The following PCDH15 variants were observed in gnomAD, a reference collection of about 807,000 sequenced individuals.
PCDH15 encodes protocadherin-15.
PCDH15 carries 129 observed loss-of-function variants against 178.5 expected under a neutral mutation model. The observed-to-expected ratio is 0.72, with a 90% CI of 0.63 to 0.84. The LOEUF (loss-of-function observed/expected upper bound fraction) is 0.84. PCDH15 is among the 40% of genes least tolerant of loss of function. The pLI, the probability that PCDH15 is intolerant of heterozygous loss-of-function variation, is 0.00. For missense variants in PCDH15, 2,230 were observed against 2,099.9 expected (o/e 1.06, Z -1.21); for synonymous variants, 800 against 732.0 (o/e 1.09, Z -1.50).
chr10:55,191,946 C>T (rs1402565698), intron 1 of PCDH15, among the ~76,000 whole-genome samples: 1 of 151,630 alleles, frequency 6.6e-6, no homozygotes, highest in Non-Finnish European at 1.5e-5. Flanking sequence ...GTCTGAACTG[C>T]TAAAAAAAAT....
At chr10:55,535,951 G>A (rs1436692420) in intron 2 of PCDH15, among the ~76,000 whole-genome samples, 1 of 151,878 alleles carries the variant, frequency 6.6e-6, no homozygotes, top group Non-Finnish European at 1.5e-5. Context: ...GCAGTCAAAC[G>A]TTGGAAATCC....
chr10:54,262,038 G>A (rs1038605402), intron 8 of PCDH15, among the ~76,000 whole-genome samples: 9 of 152,134 alleles, frequency 5.9e-5, no homozygotes, highest in Non-Finnish European at 2.9e-5. Flanking sequence ...GTGAGTGAAG[G>A]AACCCTGGGA....
In PCDH15 at chr10:53,827,490, G is replaced by A. The variant is rs1163192792; in HGVS notation, c.4270C>T (p.Pro1424Ser). The A allele has an allele frequency of 6.2e-7, 1 of 1,614,088 alleles. No individual in the cohort carries two copies. Among genetic ancestry groups the A allele is most frequent in the Middle Eastern group, 1.6e-4 (1 of 6,062 alleles). The change falls in exon 32 of 38, where the codon CCA becomes TCA. Residue 1424 changes from proline to serine, a missense_variant. Physicochemically the swap from Pro to Ser is moderately conservative, Grantham distance 74. Coordinates refer to ENST00000644397, the MANE Select transcript of PCDH15 (RefSeq NM_001384140.1). ...ACTGGTGCAGGAGCCGGCACTGCTGGTTTAGCCGCGGGTAATGCGGCCTGA... is the reference window on the plus strand; with the variant it reads ...ACTGGTGCAGGAGCCGGCACTGCTGATTTAGCCGCGGGTAATGCGGCCTGA... ...RIQAALPAAK[P>S]AVPAPAPVAA...
At chr10:55,074,614 T>C (rs1427499085) in intron 2 of PCDH15, among the ~76,000 whole-genome samples, 2 of 152,146 alleles carry the variant, frequency 1.3e-5, no homozygotes, top group Non-Finnish European at 2.9e-5. Flanking sequence ...TTCTGGATAT[T>C]AGATCTTTTC....
At chr10:55,154,989 G>C (rs2589439) in intron 2 of PCDH15, among the ~76,000 whole-genome samples, 146,180 of 152,180 alleles carry the variant, frequency 0.96, 70,286 homozygotes, top group East Asian at 1. Context: ...CTGCTATAAA[G>C]CAACTATTTT....
chr10:54,021,796 G>A (rs758654237), intron 19 of PCDH15, among the ~76,000 whole-genome samples: 9 of 151,882 alleles, frequency 5.9e-5, no homozygotes, highest in Non-Finnish European at 1.2e-4. Flanking sequence ...CTCGAAGAAA[G>A]CAGTAAATTT....
At chr10:55,400,179 G>A (rs1340824250) in intron 2 of PCDH15, among the ~76,000 whole-genome samples, 1 of 152,086 alleles carries the variant, frequency 6.6e-6, no homozygotes, top group Non-Finnish European at 1.5e-5. Context: ...AAGGGTATGT[G>A]ATTAATTCTG....
At chr10:54,517,298 G>C (rs944570056) in intron 3 of PCDH15, among the ~76,000 whole-genome samples, 12 of 152,238 alleles carry the variant, frequency 7.9e-5, no homozygotes, top group African/African-American at 2.6e-4. Flanking sequence ...CCATCAGTGT[G>C]CTATATTCAG....
intron 7 of PCDH15, among the ~76,000 whole-genome samples, chr10:54,323,690 G>A (rs2061748975): frequency 6.6e-6 from 1 of 152,030 alleles, no homozygotes; most frequent in Non-Finnish European, 1.5e-5. Context: ...ATAAACCTGG[G>A]AACAGTAGAC....
intron 1 of PCDH15, among the ~76,000 whole-genome samples, chr10:54,744,091 T>C (rs1945163631): frequency 6.6e-6 from 1 of 152,148 alleles, no homozygotes; most frequent in South Asian, 2.1e-4. Context: ...TCAAAGCTGC[T>C]TCTATGTTGT....
chr10:54,543,844 CCAAA>C (rs1267352480), intron 2 of PCDH15, among the ~76,000 whole-genome samples: 8 of 152,250 alleles, frequency 5.3e-5, no homozygotes, highest in Middle Eastern at 3.4e-3. Context: ...CTGTTGCTCA[CCAAA>C]CAGAGTTTGC....
chr10:54,786,204 T>G (rs1011133504), intron 1 of PCDH15, among the ~76,000 whole-genome samples: 10 of 152,036 alleles, frequency 6.6e-5, no homozygotes, highest in Non-Finnish European at 1.5e-5. Flanking sequence ...AGTCATGCAT[T>G]CATCTGTATA....
At position 55,092,226 on chromosome 10, in the gene PCDH15, C is replaced by A. The variant is rs1842336039; in HGVS notation, c.-80+74350G>T. ...ATATCAAAATCAGATAACCTTCCCT[C>A]TATATAAACTCACCCTTTACAAATA... On this transcript the variant is annotated intron_variant, in intron 2 of 5. Coordinates refer to the PCDH15 transcript ENST00000458638. Among the ~76,000 whole-genome samples the A allele has an allele frequency of 2.6e-5, 4 of 151,882 alleles. No homozygotes were observed. The South Asian group carries it at 8.3e-4, about 31-fold the overall frequency.
chr10:55,352,500 T>C (rs1215093658), intron 2 of PCDH15, among the ~76,000 whole-genome samples: 4 of 152,070 alleles, frequency 2.6e-5, no homozygotes, highest in African/African-American at 9.7e-5. Context: ...CAATGAGCAG[T>C]TGAAAGCAAT....
At chr10:53,844,094 A>G (rs887622565) in intron 28 of PCDH15, among the ~76,000 whole-genome samples, 1 of 151,658 alleles carries the variant, frequency 6.6e-6, no homozygotes, top group Non-Finnish European at 1.5e-5. Flanking sequence ...AGAAAAGAGA[A>G]TTGCTAACTG....
chr10:55,391,550 A>T lies in PCDH15; in HGVS notation c.-155-224899T>A, dbSNP rs565306998. ...CGCCCAGGATGGATTGGAATGGAGC[A>T]ATCTTGGCTCACTGCAACCTCCGCC... On this transcript the variant is annotated intron_variant, in intron 2 of 5. Transcript: ENST00000613346. Among the ~76,000 whole-genome samples, 4 of 152,088 alleles carry T rather than the reference A, an allele frequency of 2.6e-5. No homozygotes were observed. The East Asian group carries it at 7.8e-4, about 30-fold the overall frequency.
chr10:53,818,950 G>A (rs2132451532), intron 33 of PCDH15, among the ~76,000 whole-genome samples: 1 of 152,036 alleles, frequency 6.6e-6, no homozygotes, highest in South Asian at 2.1e-4. Context: ...CATCTTGTAT[G>A]GTTTATGCAT....
chr10:55,405,885 CAA>C (rs151062328), intron 2 of PCDH15, among the ~76,000 whole-genome samples: 67 of 140,402 alleles, frequency 4.8e-4, no homozygotes, highest in African/African-American at 1.7e-3. Flanking sequence ...AAATGTTATG[CAA>C]AAAAAAAAGG....
chr10:55,327,366 G>A (rs1179461047), intron 2 of PCDH15, among the ~76,000 whole-genome samples: 3 of 151,956 alleles, frequency 2.0e-5, no homozygotes, highest in African/African-American at 7.2e-5. Flanking sequence ...AAGTTTGAAT[G>A]AAATAATATA....
Sources: gnomAD v4.1 joint callset for allele counts (sites outside exome capture counted in the v4.1 genomes callset) on GRCh38, gnomAD v4.1.1 for gene constraint, MANE v1.5 for transcripts, NCBI Gene and HGNC (gene_info 2026-07-23, HGNC 2026-07-21) for gene names.